Variants in GTPBP4 observed in about 807,000 individuals in gnomAD.
The protein encoded by GTPBP4 is GTP-binding protein 4.
Under a neutral mutation model 81.7 loss-of-function variants are expected in GTPBP4, and 15 were observed. That is an observed-to-expected ratio of 0.18 (90% CI 0.12 to 0.28). The LOEUF is 0.28. Among genes scored for constraint, GTPBP4 ranks in the 10% least tolerant of loss-of-function variants. The pLI, the probability that GTPBP4 is intolerant of heterozygous loss-of-function variation, is 1.00. For missense variants in GTPBP4, 847 were observed against 793.8 expected (o/e 1.07, Z -0.81); for synonymous variants, 272 against 274.6 (o/e 0.99, Z 0.09).
At position 1,000,764 on chromosome 10, in the gene GTPBP4, C is replaced by G. The variant is rs199736710; in HGVS notation, c.742C>G (p.Arg248Gly). The stretch of plus-strand genomic sequence containing the variant: ...GGCCATCACTGCCCTGGCCCACCTC[C>G]GTGCTGCGGTCCTGTATGTGATGGA... ...MQAITALAHL[R>G]AAVLYVMDLS... Residue 248 changes from arginine to glycine, a missense_variant, in exon 7 of 17, where the codon CGT becomes GGT. Arg to Gly is a moderately radical substitution (Grantham distance 125). Transcript: ENST00000360803. The G allele has an allele frequency of 1.2e-5, 20 of 1,607,464 alleles. No homozygotes were observed. Among genetic ancestry groups the G allele is most frequent in the Non-Finnish European group, 1.7e-5 (20 of 1,176,658 alleles).
intron 13 of GTPBP4, among the ~76,000 whole-genome samples, chr10:1,011,520 CCTT>C (rs764179193): frequency 2.0e-5 from 3 of 150,360 alleles, no homozygotes; most frequent in Non-Finnish European, 4.4e-5. Flanking sequence ...TGCTGTCCTG[CCTT>C]CTTCTCTCAG....
At chr10:1,016,012 T>A in intron 16 of GTPBP4, 116 bp downstream of exon 16, 3 of 923,622 alleles carry the variant, frequency 3.2e-6, no homozygotes, top group Non-Finnish European at 5.0e-6. Context: ...GGGTTGTGTG[T>A]ACTGCATGCC....
chr10:1,011,769 G>A (rs897132419), intron 13 of GTPBP4, among the ~76,000 whole-genome samples: 1 of 152,178 alleles, frequency 6.6e-6, no homozygotes, highest in Non-Finnish European at 1.5e-5. Context: ...CTCTGCTGGG[G>A]CCCCAGTCCA....
chr10:1,009,669 A>G (rs112433190), intron 12 of GTPBP4, 89 bp downstream of exon 12: 10 of 831,306 alleles, frequency 1.2e-5, no homozygotes, highest in African/African-American at 3.4e-5. Context: ...ATAAGTAATA[A>G]AAGTGTTTCA....
At chr10:994,901 G>T (rs1319452532) in intron 2 of GTPBP4, among the ~76,000 whole-genome samples, 2 of 152,322 alleles carry the variant, frequency 1.3e-5, no homozygotes, top group Non-Finnish European at 2.9e-5. Context: ...TCTCATTCTG[G>T]TGGAGAAAAG....
intron 10 of GTPBP4, 96 bp from the exon 11 acceptor site, chr10:1,008,862 C>T (rs1351446580): frequency 3.3e-6 from 3 of 900,926 alleles, no homozygotes; most frequent in Non-Finnish European, 5.6e-6. Flanking sequence ...TTTCTGTTCC[C>T]CTTGCACGTA....
At chr10:996,406 AAAAT>A in intron 4 of GTPBP4, 164 bp downstream of exon 4, 2 of 493,732 alleles carry the variant, frequency 4.1e-6, no homozygotes, top group Non-Finnish European at 7.0e-6. Flanking sequence ...GTTTTTATTG[AAAAT>A]AAATACTTAC....
chr10:1,012,382 C>T (rs916647264), intron 13 of GTPBP4, 83 bp from the exon 14 acceptor site: 3 of 916,204 alleles, frequency 3.3e-6, no homozygotes, highest in African/African-American at 1.7e-5. Flanking sequence ...GGAAACAAAG[C>T]TCCCATACAC....
At position 1,005,896 on chromosome 10, in the gene GTPBP4, G is replaced by C; in HGVS notation, c.991G>C (p.Val331Leu). ...STLTEEGVIK[V>L]KTEACDRLLA... Reference sequence around the variant, plus strand: ...CCTGACTGAGGAAGGTGTTATTAAAGTTAAAACAGAGGTCAGTGCTGCCTT... The same window carrying C: ...CCTGACTGAGGAAGGTGTTATTAAACTTAAAACAGAGGTCAGTGCTGCCTT... Residue 331 changes from valine to leucine, a missense_variant, in exon 9 of 17, where the codon GTT (valine) becomes CTT (leucine). By Grantham distance (32) the Val-to-Leu change is conservative (BLOSUM62 1). Transcript: ENST00000360803. 3.2e-6 allele frequency: 5 copies of C among 1,563,878 alleles called. No individual in the cohort carries two copies. The highest frequency in any genetic ancestry group is 4.4e-6 in the Non-Finnish European group (5 of 1,142,964).
Position 992,524 on chromosome 10 carries a change from A to T in GTPBP4, c.84A>T (p.Arg28=). The T allele has an allele frequency of 6.2e-7, 1 of 1,606,726 alleles. No individual in the cohort carries two copies. Among genetic ancestry groups the T allele is most frequent in the South Asian group, 1.1e-5 (1 of 90,774 alleles). Reference sequence around the variant, plus strand: ...ACCTCACGTTGTCGAAGACTCAACGAAAGACTCCAACCGTTATTCATAAAC... The same window carrying T: ...ACCTCACGTTGTCGAAGACTCAACGTAAGACTCCAACCGTTATTCATAAAC... ...FIDLTLSKTQ[R]KTPTVIHKHY... is the part of the protein sequence containing the mutation. Residue 28 remains arginine, a synonymous_variant, in exon 2 of 17, where the codon CGA becomes CGT. Coordinates refer to ENST00000360803, the MANE Select transcript of GTPBP4 (RefSeq NM_012341.3).
rs1388632952 is a variant in GTPBP4 at position 1,012,675 on chromosome 10, C to T, written c.1542+13C>T. 1.3e-6 allele frequency: 2 copies of T among 1,594,146 alleles called. No homozygotes were observed. Among genetic ancestry groups the T allele is most frequent in the Non-Finnish European group, 1.7e-6 (2 of 1,165,610 alleles). ...AACTGCTAAGAAGGCAAGTTTGTGT[C>T]TTTCCAAAGCAGTGTGATCTAGTTT... On this transcript the variant is annotated intron_variant, in intron 14 of 16. Coordinates refer to ENST00000360803, the MANE Select transcript of GTPBP4 (RefSeq NM_012341.3).
intron 14 of GTPBP4, among the ~76,000 whole-genome samples, chr10:1,013,617 A>T (rs1300490838): frequency 2.0e-5 from 3 of 152,096 alleles, no homozygotes; most frequent in Non-Finnish European, 2.9e-5. Context: ...CTCAAAAAAT[A>T]AAAAATTTAA....
chr10:1,006,703 A>G (rs1436532675), intron 9 of GTPBP4, among the ~76,000 whole-genome samples: 1 of 151,910 alleles, frequency 6.6e-6, no homozygotes, highest in Non-Finnish European at 1.5e-5. Flanking sequence ...GGCACTCCTG[A>G]TGCCATGGTC....
intron 10 of GTPBP4, 69 bp from the exon 11 acceptor site, chr10:1,008,888 CT>C: frequency 8.5e-7 from 1 of 1,180,694 alleles, no homozygotes. Context: ...TTTGTTTCTA[CT>C]TTTTCGGCTT....
At chr10:1,007,636 G>C (rs557386562) in intron 10 of GTPBP4, among the ~76,000 whole-genome samples, 1 of 152,298 alleles carries the variant, frequency 6.6e-6, no homozygotes, top group African/African-American at 2.4e-5. Flanking sequence ...TCGTTACGCT[G>C]TGTCTTCATG....
intron 1 of GTPBP4, 151 bp downstream of exon 1, chr10:988,678 A>T: frequency 1.6e-6 from 1 of 635,018 alleles, no homozygotes; most frequent in South Asian, 1.8e-5. Flanking sequence ...CGTACTCGGG[A>T]TCATTTCCCC....
At chr10:1,005,557 G>C (rs1831713615) in intron 8 of GTPBP4, among the ~76,000 whole-genome samples, 1 of 152,180 alleles carries the variant, frequency 6.6e-6, no homozygotes, top group Non-Finnish European at 1.5e-5. Context: ...ACATGTAGTT[G>C]TTCGTTATTC....
At chr10:1,013,106 C>T (rs1434650570) in intron 14 of GTPBP4, among the ~76,000 whole-genome samples, 12 of 151,800 alleles carry the variant, frequency 7.9e-5, no homozygotes, top group Non-Finnish European at 1.8e-4. Flanking sequence ...GCCTCAGCCT[C>T]CCGAGTAGCT....
In GTPBP4 at chr10:1,019,417, C is replaced by T; in HGVS notation, c.*2190C>T. On this transcript the variant is annotated 3_prime_UTR_variant, in exon 17 of 17. Coordinates refer to ENST00000360803, the MANE Select transcript of GTPBP4 (RefSeq NM_012341.3). ...TTATACATGATGGGCAATCAAGTGC[C>T]CCTTTTGCCCTGTTTTTTGGAGAGG... 12 of 840,346 alleles carry T rather than the reference C, an allele frequency of 1.4e-5. No homozygotes were observed. The South Asian group carries it at 2.2e-4, about 15-fold the overall frequency. The allele number at this position is 840,346 out of a possible 1,614,324, so 52.1% of individuals were successfully genotyped here.
Sources: gnomAD v4.1 joint callset for allele counts (sites outside exome capture counted in the v4.1 genomes callset) on GRCh38, gnomAD v4.1.1 for gene constraint, MANE v1.5 for transcripts, NCBI Gene and HGNC (gene_info 2026-07-23, HGNC 2026-07-21) for gene names.